The following PLEKHA3 variants were observed in gnomAD, a reference collection of about 807,000 sequenced individuals.
PLEKHA3 encodes the protein pleckstrin homology domain-containing family A member 3.
Under a neutral mutation model 39.2 loss-of-function variants are expected in PLEKHA3, and 19 were observed. The observed-to-expected ratio is 0.48, with a 90% CI of 0.34 to 0.71. The LOEUF (loss-of-function observed/expected upper bound fraction) is 0.71, where lower values mean the gene tolerates loss of function less well. PLEKHA3 is among the 30% of genes least tolerant of loss of function. The pLI is 0.01. For missense variants in PLEKHA3, 253 were observed against 359.5 expected, an observed-to-expected ratio of 0.70 and a Z score of 2.40; for synonymous variants, 97 against 118.6, an observed-to-expected ratio of 0.82 and a Z score of 1.18.
intron 5 of PLEKHA3, among the ~76,000 whole-genome samples, 197 bp downstream of exon 5, chr2:178,495,857 T>TC (rs1685435021): frequency 6.6e-6 from 1 of 152,234 alleles, no homozygotes; most frequent in Non-Finnish European, 1.5e-5. Context: ...GCTAGTGTCC[T>TC]CATTCCCTTC....
chr2:178,493,703 C>A, intron 3 of PLEKHA3, 150 bp from the exon 4 acceptor site: 1 of 652,596 alleles, frequency 1.5e-6, no homozygotes, highest in South Asian at 2.5e-5. Flanking sequence ...AAGATGTTTC[C>A]TTAGGGCTCT....
In PLEKHA3 at chr2:178,489,579, G is replaced by A. The variant is rs147578053; in HGVS notation, c.158-1080G>A. ...AGCGATCCTCTTGCCTCAGCCTTCC[G>A]CCTCCCAAGTTGCTGGGTCTACAGG... On this transcript the variant is annotated intron_variant, in intron 2 of 7. Transcript: ENST00000234453. Among the ~76,000 whole-genome samples the A allele has an allele frequency of 4.3e-3, 626 of 146,986 alleles. 2 individuals are homozygous for A. Among genetic ancestry groups the A allele is most frequent in the Middle Eastern group, 0.014 (4 of 286 alleles).
intron 4 of PLEKHA3, 55 bp downstream of exon 4, chr2:178,494,044 G>T: frequency 1.9e-6 from 3 of 1,544,752 alleles, no homozygotes; most frequent in Non-Finnish European, 2.6e-6. Context: ...ACTCTGGGGG[G>T]ATCCTCAGTC....
chr2:178,481,369 G>A (rs1351676909), intron 1 of PLEKHA3, among the ~76,000 whole-genome samples: 2 of 151,908 alleles, frequency 1.3e-5, no homozygotes, highest in Admixed American at 6.6e-5. Flanking sequence ...TATTTAAAAC[G>A]TTGTCTTGTT....
chr2:178,501,751 T>C (rs979799862), intron 7 of PLEKHA3, among the ~76,000 whole-genome samples: 1 of 152,000 alleles, frequency 6.6e-6, no homozygotes, highest in Non-Finnish European at 1.5e-5. Context: ...TTTGAAAGTG[T>C]GTCAGAATAT....
rs1291755242 is a variant in PLEKHA3, at chr2:178,509,670, G to A, written c.*5783G>A. 1 of 151,850 alleles carries A rather than the reference G, an allele frequency of 6.6e-6. No individual in the cohort carries two copies. The highest frequency in any genetic ancestry group is 2.4e-5 in the African/African-American group (1 of 41,272). 9.4% of individuals were successfully genotyped at this position (151,850 alleles called of 1,614,324 possible). On this transcript the variant is annotated 3_prime_UTR_variant, in exon 8 of 8. Coordinates refer to ENST00000234453, the MANE Select transcript of PLEKHA3 (RefSeq NM_019091.4). ...TTTTTGTATTTTTTTGTAGCAGCAG[G>A]GTTTTGCCATGCTGTTCAGACTGAT...
rs1001180370 is a variant in PLEKHA3 at position 178,501,113 on chromosome 2, C to T, written c.712C>T (p.Arg238Ter). The T allele has an allele frequency of 2.5e-6, 4 of 1,613,332 alleles. No homozygotes were observed. Among genetic ancestry groups the T allele is most frequent in the Non-Finnish European group, 3.4e-6 (4 of 1,179,444 alleles). Residue 238 changes from arginine (R) to a stop codon, truncating the protein, a stop_gained, in exon 7 of 8, where the codon CGA (arginine) becomes TGA (stop). Transcript: ENST00000234453. LOFTEE classifies it high-confidence loss of function. ...PVSTLHRLSQ[R>*]RRRTYSDTDS... Reference sequence around the variant, plus strand: ...ATCTACACTTCACCGACTCTCCCAGCGACGCCGAAGAACCTACTCAGATAC... The same window carrying T: ...ATCTACACTTCACCGACTCTCCCAGTGACGCCGAAGAACCTACTCAGATAC...
At chr2:178,488,860 T>C in intron 2 of PLEKHA3, 1 of 337,328 alleles carries the variant, frequency 3.0e-6, no homozygotes, top group Non-Finnish European at 6.0e-6. Context: ...TCTGTTTAAT[T>C]AGATATTTAA....
chr2:178,482,637 T>C (rs1040270588), intron 1 of PLEKHA3, among the ~76,000 whole-genome samples: 2 of 152,120 alleles, frequency 1.3e-5, no homozygotes, highest in African/African-American at 4.8e-5. Context: ...AAGCATGGTG[T>C]TGTGGAACCA....
At chr2:178,495,784 T>A in intron 5 of PLEKHA3, 124 bp downstream of exon 5, 1 of 1,038,568 alleles carries the variant, frequency 9.6e-7, no homozygotes, top group Non-Finnish European at 1.4e-6. Flanking sequence ...AGCTAACAAG[T>A]TGAATTTTTT....
rs1685659130 is a variant in PLEKHA3, at chr2:178,510,000, T to C, written c.*6113T>C. 1 of 152,158 alleles carries C rather than the reference T, an allele frequency of 6.6e-6. No homozygotes were observed. The highest frequency in any genetic ancestry group is 2.1e-4 in the South Asian group (1 of 4,822). 9.4% of individuals were successfully genotyped at this position (152,158 alleles called of 1,614,324 possible). A position where few individuals can be genotyped will look rare whatever the true frequency, so the allele number is the denominator to read the frequency against. On this transcript the variant is annotated 3_prime_UTR_variant, in exon 8 of 8. Transcript: ENST00000234453. ...ATTCTCTTGTCTCAGCCTCCTAGGCTACAGGCTAGGACTACAGGTGCTCGC... is the reference window on the plus strand; with the variant it reads ...ATTCTCTTGTCTCAGCCTCCTAGGCCACAGGCTAGGACTACAGGTGCTCGC...
chr2:178,498,088 A>G (rs939435017), intron 5 of PLEKHA3, among the ~76,000 whole-genome samples: 4 of 152,212 alleles, frequency 2.6e-5, no homozygotes, highest in Admixed American at 1.3e-4. Context: ...AGCACTTTAT[A>G]TAGTTAATCT....
Position 178,513,576 on chromosome 2 carries a change from G to C in PLEKHA3, c.*9689G>C, listed in dbSNP as rs1253828639. On this transcript the variant is annotated 3_prime_UTR_variant, in exon 8 of 8. Transcript: ENST00000234453. ...TGTATGCGTGAGTGTGACAGTGTGT[G>C]TGCCTGTGTCTCTATCTGTGCATGC... 2 of 152,180 alleles carry C rather than the reference G, an allele frequency of 1.3e-5. No homozygotes were observed. The highest frequency in any genetic ancestry group is 2.9e-5 in the Non-Finnish European group (2 of 68,034). 9.4% of individuals were successfully genotyped at this position (152,180 alleles called of 1,614,324 possible).
rs1685578035 is a variant in PLEKHA3, at chr2:178,504,628, A to G, written c.*741A>G. On this transcript the variant is annotated 3_prime_UTR_variant, in exon 8 of 8. Coordinates refer to ENST00000234453, the MANE Select transcript of PLEKHA3 (RefSeq NM_019091.4). ...TGTTCTTTACGTTGTTCTAGAAAAG[A>G]GATTTTAATGCTGTAGTGACTTTGC... 1 of 152,266 alleles carries G rather than the reference A, an allele frequency of 6.6e-6. No homozygotes were observed. Among genetic ancestry groups the G allele is most frequent in the African/African-American group, 2.4e-5 (1 of 41,450 alleles). The allele number at this position is 152,266 out of a possible 1,614,324, so 9.4% of individuals were successfully genotyped here.
In PLEKHA3 at chr2:178,480,750, G is replaced by C. The variant is rs983928881; in HGVS notation, c.-120G>C. ...CCTGCGGCGCGCGCAGGCAGAAAGC[G>C]GCTTCGTGCCGGCGGAGGGGGCCCG... On this transcript the variant is annotated 5_prime_UTR_variant, in exon 1 of 8. Transcript: ENST00000234453. The C allele has an allele frequency of 1.2e-6, 1 of 838,480 alleles. No individual in the cohort carries two copies. The highest frequency in any genetic ancestry group is 1.6e-6 in the Non-Finnish European group (1 of 621,420). 51.9% of individuals were successfully genotyped at this position (838,480 alleles called of 1,614,324 possible). A position where few individuals can be genotyped will look rare whatever the true frequency, so the allele number is the denominator to read the frequency against.
At chr2:178,501,353 A>G (rs1407850926) in intron 7 of PLEKHA3, among the ~76,000 whole-genome samples, 177 bp downstream of exon 7, 1 of 152,006 alleles carries the variant, frequency 6.6e-6, no homozygotes, top group African/African-American at 2.4e-5. Context: ...TCCCCTTACA[A>G]ACAGGTTTGT....
chr2:178,514,349 G>T lies in PLEKHA3; in HGVS notation c.*10462G>T, dbSNP rs1685729840. On this transcript the variant is annotated 3_prime_UTR_variant, in exon 8 of 8. Transcript: ENST00000234453. ...GAGGGTGTGGGGAATGGTGGCAGGGGTAACTATCATCGAGAATATAGGGCA... is the reference window on the plus strand; with the variant it reads ...GAGGGTGTGGGGAATGGTGGCAGGGTTAACTATCATCGAGAATATAGGGCA... 6.6e-6 allele frequency: 1 copy of T among 152,060 alleles called. No homozygotes were observed. The highest frequency in any genetic ancestry group is 1.5e-5 in the Non-Finnish European group (1 of 68,014). 9.4% of individuals were successfully genotyped at this position (152,060 alleles called of 1,614,324 possible).
chr2:178,495,689 C>T (rs1685430523), intron 5 of PLEKHA3, 29 bp downstream of exon 5: 1 of 1,575,704 alleles, frequency 6.3e-7, no homozygotes, highest in Non-Finnish European at 8.6e-7. Flanking sequence ...GGTTTTTTCC[C>T]TCAGTAGTAA....
intron 2 of PLEKHA3, among the ~76,000 whole-genome samples, chr2:178,486,794 C>T (rs1685257600): frequency 6.6e-6 from 1 of 152,080 alleles, no homozygotes. Flanking sequence ...TGGGTTATTT[C>T]CGTTTTGGGA....
Sources: gnomAD v4.1 joint callset for allele counts (sites outside exome capture counted in the v4.1 genomes callset) on GRCh38, gnomAD v4.1.1 for gene constraint, MANE v1.5 for transcripts, NCBI Gene and HGNC (gene_info 2026-07-23, HGNC 2026-07-21) for gene names.